The following KIFBP variants were observed in gnomAD, a reference collection of about 807,000 sequenced individuals.
The protein encoded by KIFBP is KIF-binding protein.
Under a neutral mutation model 58.9 loss-of-function variants are expected in KIFBP, and 46 were observed. That is an observed-to-expected ratio of 0.78 (90% CI 0.62 to 1.00). The LOEUF is 1.00. Ranked by LOEUF, KIFBP falls within the 50% of genes least tolerant of loss-of-function variation. The probability of loss-of-function intolerance (pLI) is 0.00; values close to 1 mark genes in which losing one functional copy is unlikely to be tolerated. For missense variants in KIFBP, 651 were observed against 752.9 expected, an observed-to-expected ratio of 0.86 and a Z score of 1.58; for synonymous variants, 241 against 283.4, an observed-to-expected ratio of 0.85 and a Z score of 1.50.
chr10:69,008,391 A>AAAAAAAAAAAAAAAAAAAAAATATATAT, intron 4 of KIFBP, among the ~76,000 whole-genome samples: 1 of 71,614 alleles, frequency 1.4e-5, no homozygotes, highest in African/African-American at 7.8e-5. Flanking sequence ...AAAAAAAAAA[A>AAAAAAAAAAAAAAAAAAAAAATATATAT]ATATATATAT....
chr10:68,991,690 T>A (rs189428186), intron 1 of KIFBP: 183 of 172,920 alleles, frequency 1.1e-3, no homozygotes, highest in African/African-American at 4.2e-3. Flanking sequence ...GTAAAGGCTG[T>A]GGGCCTGAGA....
chr10:69,016,196 G>T lies in KIFBP; in HGVS notation c.1646G>T (p.Arg549Leu). Reference protein sequence around the residue: ...VLRPAMLAKFRVARLYGKIIT... With the variant: ...VLRPAMLAKFLVARLYGKIIT... ...CGCCCTGCCATGTTAGCTAAGTTTC[G>T]AGTTGCCCGTCTCTATGGCAAAATC... Residue 549 changes from arginine (R) to leucine (L), a missense_variant, in exon 7 of 7, where the codon CGA becomes CTA. By Grantham distance (102) the Arg-to-Leu change is moderately radical. Coordinates refer to ENST00000361983, the MANE Select transcript of KIFBP (RefSeq NM_015634.4). The T allele has an allele frequency of 6.2e-7, 1 of 1,613,250 alleles. No individual in the cohort carries two copies. The highest frequency in any genetic ancestry group is 8.5e-7 in the Non-Finnish European group (1 of 1,179,670).
intron 4 of KIFBP, chr10:69,006,698 T>G (rs1843540175): frequency 1.3e-5 from 2 of 152,200 alleles, no homozygotes; most frequent in Admixed American, 1.3e-4. Flanking sequence ...CTCTCTGAAA[T>G]TTTGGTAGTT....
At chr10:69,009,826 TGCTC>T (rs1044841273) in intron 5 of KIFBP, among the ~76,000 whole-genome samples, 8 of 152,170 alleles carry the variant, frequency 5.3e-5, no homozygotes, top group African/African-American at 1.9e-4. Flanking sequence ...TTGATTCTAT[TGCTC>T]ACTGTTGAAC....
At chr10:69,005,942 C>T (rs1194428763) in intron 4 of KIFBP, 27 bp downstream of exon 4, 1 of 1,590,600 alleles carries the variant, frequency 6.3e-7, no homozygotes, top group Non-Finnish European at 8.6e-7. Flanking sequence ...AGTTATCTAA[C>T]AGAGTACCAA....
chr10:69,015,651 C>G lies in KIFBP; in HGVS notation c.1101C>G (p.Thr367=). 6.2e-7 allele frequency: 1 copy of G among 1,614,092 alleles called. No individual in the cohort carries two copies. The highest frequency in any genetic ancestry group is 1.3e-5 in the African/African-American group (1 of 75,022). Residue 367 remains threonine, a synonymous_variant, in exon 7 of 7, where the codon ACC becomes ACG. Transcript: ENST00000361983. Reference sequence around the variant, plus strand: ...GGAAAAAAGCTGTGCAGTTTGGAACCGGTGAACTGTGTGATGCCATCTCTG... The same window carrying G: ...GGAAAAAAGCTGTGCAGTTTGGAACGGGTGAACTGTGTGATGCCATCTCTG... ...SIRKKAVQFG[T]GELCDAISAV...
intron 4 of KIFBP, among the ~76,000 whole-genome samples, chr10:69,008,391 A>AATATATATATATATATATAT (rs1173764355): frequency 1.4e-4 from 10 of 71,582 alleles, no homozygotes; most frequent in African/African-American, 7.0e-4. Context: ...AAAAAAAAAA[A>AATATATATATATATATATAT]ATATATATAT....
Position 69,007,888 on chromosome 10 carries a change from T to C in KIFBP, c.790-953T>C, listed in dbSNP as rs545745152. Reference sequence around the variant, plus strand: ...CAAAATGTTTCTATTAACAAGGAGATCTTCTCTAATTGTTTGAGAAGTTTG... The same window carrying C: ...CAAAATGTTTCTATTAACAAGGAGACCTTCTCTAATTGTTTGAGAAGTTTG... On this transcript the variant is annotated intron_variant, in intron 4 of 6. Coordinates refer to ENST00000361983, the MANE Select transcript of KIFBP (RefSeq NM_015634.4). 6.6e-5 allele frequency: 10 copies of C among 152,302 alleles called. No individual in the cohort carries two copies. In the East Asian group the frequency reaches 1.5e-3, roughly 23 times the overall value. The allele number at this position is 152,302 out of a possible 1,614,324, so 9.4% of individuals were successfully genotyped here.
chr10:69,003,721 T>C (rs1031209803), intron 2 of KIFBP, among the ~76,000 whole-genome samples: 6 of 152,222 alleles, frequency 3.9e-5, no homozygotes, highest in Admixed American at 6.5e-5. Context: ...CTGGTTTTAA[T>C]GTCCCTGTAT....
intron 1 of KIFBP, chr10:68,989,473 CCA>C (rs1843317352): frequency 1.6e-6 from 1 of 606,356 alleles, no homozygotes. Flanking sequence ...TCGGCCGTCC[CCA>C]GACTCCGTGT....
At position 69,015,975 on chromosome 10, in the gene KIFBP, T is replaced by A; in HGVS notation, c.1425T>A (p.Phe475Leu). ...TGTTGGTCAACAGACAGATCCAGTT[T>A]GAAATTGCACATGCTTACTATGATA... is the stretch of plus-strand genomic sequence containing the variant. The part of the protein sequence containing the change: ...YYLLVNRQIQ[F>L]EIAHAYYDMM... Residue 475 changes from phenylalanine (F) to leucine (L), a missense_variant, in exon 7 of 7, where the codon TTT becomes TTA. Coordinates refer to ENST00000361983, the MANE Select transcript of KIFBP (RefSeq NM_015634.4). The A allele has an allele frequency of 6.2e-7, 1 of 1,614,168 alleles. No individual in the cohort carries two copies. The highest frequency in any genetic ancestry group is 1.1e-5 in the South Asian group (1 of 91,086).
At chr10:69,008,392 ATATATAT>A (rs1181053350) in intron 4 of KIFBP, among the ~76,000 whole-genome samples, 5 of 36,688 alleles carry the variant, frequency 1.4e-4, no homozygotes, top group African/African-American at 3.3e-4. Flanking sequence ...AAAAAAAAAA[ATATATAT>A]ATATATATAT....
chr10:69,004,750 G>C (rs1297023789), intron 2 of KIFBP, among the ~76,000 whole-genome samples: 2 of 152,102 alleles, frequency 1.3e-5, no homozygotes, highest in Non-Finnish European at 2.9e-5. Context: ...TGTGGTTCCA[G>C]CTACTCAGGA....
At chr10:68,989,459 A>T in intron 1 of KIFBP, 1 of 621,798 alleles carries the variant, frequency 1.6e-6, no homozygotes, top group Middle Eastern at 4.3e-4. Flanking sequence ...TAGATCTCCC[A>T]CAGTCGGCCG....
chr10:69,000,346 T>G, intron 1 of KIFBP, 78 bp from the exon 2 acceptor site: 1 of 949,332 alleles, frequency 1.1e-6, no homozygotes, highest in African/African-American at 1.6e-5. Flanking sequence ...GTTATAAGTA[T>G]TGACTTCAAA....
intron 2 of KIFBP, among the ~76,000 whole-genome samples, chr10:69,001,138 C>T (rs903455605): frequency 6.6e-6 from 1 of 151,452 alleles, no homozygotes; most frequent in South Asian, 2.1e-4. Context: ...TTTTTTTAAC[C>T]CGTGAAACCC....
At chr10:68,997,426 A>G (rs1158803933) in intron 1 of KIFBP, among the ~76,000 whole-genome samples, 1 of 152,114 alleles carries the variant, frequency 6.6e-6, no homozygotes, top group Non-Finnish European at 1.5e-5. Context: ...TTGAAAGTGT[A>G]TAGCACTTCC....
chr10:69,015,338 T>G (rs1589298803), intron 6 of KIFBP: 1 of 553,172 alleles, frequency 1.8e-6, no homozygotes. Flanking sequence ...TTAAATACTT[T>G]TTTTTCCACA....
At chr10:68,997,547 A>G (rs1843419056) in intron 1 of KIFBP, among the ~76,000 whole-genome samples, 1 of 152,070 alleles carries the variant, frequency 6.6e-6, no homozygotes, top group African/African-American at 2.4e-5. Flanking sequence ...TACCTCCTGT[A>G]CAGCCTGTGG....
Sources: allele counts gnomAD v4.1 joint callset (sites outside exome capture counted in the v4.1 genomes callset), GRCh38; gene constraint gnomAD v4.1.1; transcripts MANE v1.5; gene names NCBI Gene and HGNC (gene_info 2026-07-23, HGNC 2026-07-21).